The following CNDP1 variants were observed in gnomAD, a reference collection of about 807,000 sequenced individuals.
The protein encoded by CNDP1 is beta-Ala-His dipeptidase.
CNDP1 carries 44 observed loss-of-function variants against 58.1 expected under a neutral mutation model. The ratio of observed to expected loss-of-function variants is 0.76; its 90% CI spans 0.60 to 0.97. The LOEUF (loss-of-function observed/expected upper bound fraction) is 0.97, where lower values mean the gene tolerates loss of function less well. CNDP1 is among the 50% of genes least tolerant of loss of function. The pLI, the probability that CNDP1 is intolerant of heterozygous loss-of-function variation, is 0.00. For missense variants in CNDP1, 616 were observed against 655.1 expected, an observed-to-expected ratio of 0.94 and a Z score of 0.65; for synonymous variants, 254 against 252.6, an observed-to-expected ratio of 1.01 and a Z score of -0.05.
At chr18:74,567,983 C>G (rs894041495) in intron 6 of CNDP1, among the ~76,000 whole-genome samples, 1 of 152,198 alleles carries the variant, frequency 6.6e-6, no homozygotes, top group Non-Finnish European at 1.5e-5. Flanking sequence ...GGTACAATAA[C>G]GCCCCCTCCC....
chr18:74,564,125 A>G (rs1319941955), intron 5 of CNDP1, among the ~76,000 whole-genome samples: 1 of 152,234 alleles, frequency 6.6e-6, no homozygotes, highest in African/African-American at 2.4e-5. Context: ...ATTCTCTCAT[A>G]CATAATCCCG....
At chr18:74,567,585 G>T (rs1239571169) in intron 6 of CNDP1, 152 bp downstream of exon 6, 9 of 687,604 alleles carry the variant, frequency 1.3e-5, no homozygotes, top group Admixed American at 1.1e-4. Flanking sequence ...GGTGGGGTGG[G>T]TGCAGAGGTC....
At chr18:74,559,263 TC>T (rs1305765665) in intron 2 of CNDP1, 59 bp from the exon 3 acceptor site, 3 of 1,576,958 alleles carry the variant, frequency 1.9e-6, no homozygotes, top group Non-Finnish European at 2.6e-6. Flanking sequence ...CTCCCTTCGC[TC>T]CCCCCGCAGA....
rs954226488 is a variant in CNDP1 at position 74,550,226 on chromosome 18, G to T, written c.25-6112G>T. Among the ~76,000 whole-genome samples the T allele has an allele frequency of 2.6e-5, 4 of 152,224 alleles. 1 individual carries two copies. The highest frequency in any genetic ancestry group is 4.1e-4 in the South Asian group (2 of 4,828). Reference sequence around the variant, plus strand: ...TCCTAACCTTGGAAAAGCCATAGCGGTGGAGCTTCCCAAGGCCTTGGGAGC... The same window carrying T: ...TCCTAACCTTGGAAAAGCCATAGCGTTGGAGCTTCCCAAGGCCTTGGGAGC... On this transcript the variant is annotated intron_variant, in intron 1 of 11. Transcript: ENST00000358821.
intron 1 of CNDP1, among the ~76,000 whole-genome samples, chr18:74,542,346 A>C (rs1027060258): frequency 1.3e-5 from 2 of 152,136 alleles, no homozygotes; most frequent in East Asian, 3.9e-4. Flanking sequence ...CACTGAACAG[A>C]GCTTGTGGGC....
rs140836083 is a variant in CNDP1, at chr18:74,567,390, C to A, written c.713C>A (p.Ala238Glu). The change falls in exon 6 of 12, where the codon GCA becomes GAA. Residue 238 changes from alanine (A) to glutamate (E), a missense_variant. Coordinates refer to ENST00000358821, the MANE Select transcript of CNDP1 (RefSeq NM_032649.6). ...DNLWISQRKPAITYGTRGNSY... is the reference protein window; with the variant it reads ...DNLWISQRKPEITYGTRGNSY... ...CTGTGGATCAGCCAAAGGAAGCCAG[C>A]AATCACTTACGGAACCCGGGGGAAC... 1 of 1,614,104 alleles carries A rather than the reference C, an allele frequency of 6.2e-7. No homozygotes were observed. The highest frequency in any genetic ancestry group is 1.1e-5 in the South Asian group (1 of 91,080).
intron 1 of CNDP1, among the ~76,000 whole-genome samples, chr18:74,542,253 A>G (rs1265818925): frequency 2.6e-5 from 4 of 152,224 alleles, no homozygotes; most frequent in Admixed American, 2.6e-4. Context: ...TCCTGGTGTC[A>G]AGGCCTAATT....
In CNDP1 at chr18:74,534,803, C is replaced by A. The variant is rs971005449; in HGVS notation, c.24+112C>A. 3.4e-5 allele frequency: 39 copies of A among 1,130,764 alleles called. No individual in the cohort carries two copies. In the African/African-American group the frequency reaches 5.3e-4, roughly 15 times the overall value. The allele number at this position is 1,130,764 out of a possible 1,614,324, so 70.0% of individuals were successfully genotyped here. A position where few individuals can be genotyped will look rare whatever the true frequency, so the allele number is the denominator to read the frequency against. On this transcript the variant is annotated intron_variant, in intron 1 of 11. Coordinates refer to ENST00000358821, the MANE Select transcript of CNDP1 (RefSeq NM_032649.6). ...GCAGGGCAGGCACCCAGCGTGGCCC[C>A]AGATGCTGCTCCTCATGGTGTTCTT...
chr18:74,563,784 A>C (rs1163347662), intron 5 of CNDP1, among the ~76,000 whole-genome samples: 1 of 152,208 alleles, frequency 6.6e-6, no homozygotes, highest in Non-Finnish European at 1.5e-5. Flanking sequence ...CATATTTCAC[A>C]GGTAGAGCAG....
intron 1 of CNDP1, among the ~76,000 whole-genome samples, chr18:74,540,310 G>GCCACACCCAA (rs1042944572): frequency 2.0e-5 from 3 of 152,016 alleles, no homozygotes; most frequent in Non-Finnish European, 4.4e-5. Context: ...GGTGCCCACT[G>GCCACACCCAA]CCACACCCAA....
At position 74,572,808 on chromosome 18, in the gene CNDP1, A is replaced by G. The variant is rs536847776; in HGVS notation, c.841+1538A>G. Reference sequence around the variant, plus strand: ...CCTGTATCAAAAAAAAAAAAAAAAAAAAAGAAAGAAAGAAAGAAAGAAAAA... The same window carrying G: ...CCTGTATCAAAAAAAAAAAAAAAAAGAAAGAAAGAAAGAAAGAAAGAAAAA... On this transcript the variant is annotated intron_variant, in intron 7 of 11. Coordinates refer to ENST00000358821, the MANE Select transcript of CNDP1 (RefSeq NM_032649.6). Among the ~76,000 whole-genome samples, 656 of 135,358 alleles carry G rather than the reference A, an allele frequency of 4.8e-3. 9 individuals are homozygous for G. Among genetic ancestry groups the G allele is most frequent in the African/African-American group, 0.017 (577 of 33,728 alleles). 88.8% of individuals were successfully genotyped at this position (135,358 alleles called of 152,430 possible).
intron 10 of CNDP1, among the ~76,000 whole-genome samples, chr18:74,580,797 C>T (rs1396449987): frequency 2.0e-5 from 3 of 152,090 alleles, no homozygotes; most frequent in Non-Finnish European, 4.4e-5. Flanking sequence ...GTGAGACCCC[C>T]ATCTCTATAA....
In CNDP1 at chr18:74,580,158, C is replaced by T. The variant is rs768782668; in HGVS notation, c.1196C>T (p.Ser399Phe). The T allele has an allele frequency of 3.1e-6, 5 of 1,613,788 alleles. No homozygotes were observed. In the East Asian group the frequency reaches 1.1e-4, roughly 36 times the overall value. Reference sequence around the variant, plus strand: ...ACACGACATCTTGAAGATGTGTTCTCCAAAAGAAATAGTTCCAACAAGATG... The same window carrying T: ...ACACGACATCTTGAAGATGTGTTCTTCAAAAGAAATAGTTCCAACAAGATG... Reference protein sequence around the residue: ...QVTRHLEDVFSKRNSSNKMVV... With the variant: ...QVTRHLEDVFFKRNSSNKMVV... The change falls in exon 10 of 12, where the codon TCC becomes TTC. Residue 399 changes from serine to phenylalanine, a missense_variant. Physicochemically the swap from Ser to Phe is radical, Grantham distance 155. Transcript: ENST00000358821.
intron 1 of CNDP1, among the ~76,000 whole-genome samples, chr18:74,544,604 G>C (rs9966983): frequency 0.029 from 4,398 of 150,688 alleles, 140 homozygotes; most frequent in African/African-American, 0.075. Context: ...TGTAATCCCA[G>C]CTACTTGGGA....
chr18:74,550,768 T>C (rs1980884732), intron 1 of CNDP1, among the ~76,000 whole-genome samples: 1 of 151,290 alleles, frequency 6.6e-6, no homozygotes, highest in Non-Finnish European at 1.5e-5. Context: ...TTTTGTTTTT[T>C]GTTTTGTATT....
intron 5 of CNDP1, among the ~76,000 whole-genome samples, chr18:74,565,788 T>C (rs1427160030): frequency 6.6e-6 from 1 of 152,174 alleles, no homozygotes; most frequent in Non-Finnish European, 1.5e-5. Context: ...TCTACCATTC[T>C]GGGGTCTGGA....
Position 74,560,904 on chromosome 18 carries a change from C to G in CNDP1, c.352C>G (p.Leu118Val), listed in dbSNP as rs1322351038. 1.2e-6 allele frequency: 2 copies of G among 1,614,172 alleles called. No individual in the cohort carries two copies. The highest frequency in any genetic ancestry group is 1.7e-5 in the Admixed American group (1 of 60,026). The part of the protein sequence containing the change: ...LPIPPVILAE[L>V]GSDPTKGTVC... ...AATACCTCCCGTCATCCTGGCCGAA[C>G]TGGGGAGCGATCCCACGAAAGGCAC... The change falls in exon 4 of 12, where the codon CTG becomes GTG. Residue 118 changes from leucine (L) to valine (V), a missense_variant. Physicochemically the swap from Leu to Val is conservative, Grantham distance 32 (BLOSUM62 1). Transcript: ENST00000358821.
Position 74,561,282 on chromosome 18 carries a change from C to T in CNDP1, c.466+264C>T, listed in dbSNP as rs142836058. On this transcript the variant is annotated intron_variant, in intron 4 of 11. Coordinates refer to ENST00000358821, the MANE Select transcript of CNDP1 (RefSeq NM_032649.6). ...ATACAAAAAAATAGCTGGGCATGGTCGTGGGCGCCTGTAATCCCAGCTACT... is the reference window on the plus strand; with the variant it reads ...ATACAAAAAAATAGCTGGGCATGGTTGTGGGCGCCTGTAATCCCAGCTACT... The T allele has an allele frequency of 6.0e-3, 1,930 of 319,022 alleles. 24 individuals are homozygous for T. Among genetic ancestry groups the T allele is most frequent in the African/African-American group, 0.037 (1,802 of 48,474 alleles). The allele number at this position is 319,022 out of a possible 1,614,324, so 19.8% of individuals were successfully genotyped here. A position where few individuals can be genotyped will look rare whatever the true frequency, so the allele number is the denominator to read the frequency against.
chr18:74,579,997 G>C (rs776899870), intron 9 of CNDP1, 133 bp from the exon 10 acceptor site: 21 of 765,882 alleles, frequency 2.7e-5, no homozygotes, highest in Non-Finnish European at 4.2e-5. Flanking sequence ...GCGTGTGTCA[G>C]GCTGGGGCTT....
Sources: gnomAD v4.1 joint callset for allele counts (sites outside exome capture counted in the v4.1 genomes callset) on GRCh38, gnomAD v4.1.1 for gene constraint, MANE v1.5 for transcripts, NCBI Gene and HGNC (gene_info 2026-07-23, HGNC 2026-07-21) for gene names.